Variants in TMEM232 observed in about 807,000 individuals in gnomAD.
TMEM232 encodes transmembrane protein 232.
TMEM232 carries 80 observed loss-of-function variants against 78.8 expected under a neutral mutation model. The ratio of observed to expected loss-of-function variants is 1.01; its 90% CI spans 0.85 to 1.22. The LOEUF is 1.22. Among genes scored for constraint, TMEM232 ranks in the 50% most tolerant of loss-of-function variants. The pLI, the probability that TMEM232 is intolerant of heterozygous loss-of-function variation, is 0.00. For synonymous variants in TMEM232, 297 were observed against 254.3 expected (o/e 1.17, Z -1.60); for missense variants, 881 against 742.2 (o/e 1.19, Z -2.17).
At chr5:110,594,239 G>A (rs1385400825) in intron 10 of TMEM232, among the ~76,000 whole-genome samples, 5 of 151,966 alleles carry the variant, frequency 3.3e-5, no homozygotes, top group African/African-American at 4.8e-5. Flanking sequence ...GAGAAGCCCC[G>A]AGGGACTGTA....
chr5:110,480,515 T>C (rs550441717), intron 12 of TMEM232, among the ~76,000 whole-genome samples: 18 of 152,190 alleles, frequency 1.2e-4, no homozygotes, highest in African/African-American at 3.8e-4. Context: ...GGTTGTTTTT[T>C]AAGAGATTGC....
intron 1 of TMEM232, among the ~76,000 whole-genome samples, chr5:110,677,679 G>T (rs1393825450): frequency 1.3e-5 from 2 of 152,070 alleles, no homozygotes; most frequent in African/African-American, 4.8e-5. Flanking sequence ...ATTTGTTTGG[G>T]TGTAGAGTAA....
Position 110,627,802 on chromosome 5 carries a change from T to A in TMEM232, c.580A>T (p.Arg194Trp). The change falls in exon 6 of 14, where the codon AGG (arginine) becomes TGG (tryptophan). Residue 194 changes from arginine (R) to tryptophan (W), a missense_variant. Coordinates refer to ENST00000455884, the MANE Select transcript of TMEM232 (RefSeq NM_001039763.4). ...HLESFKQHLL[R>W]LQPYLYALSF... is the part of the protein sequence containing the mutation. ...CTACCGTATAAATATGGTTGAAGCC[T>A]AAGTAAATGTTGTTTAAAACTTTCT... 5.2e-6 allele frequency: 8 copies of A among 1,526,880 alleles called. No individual in the cohort carries two copies. Among genetic ancestry groups the A allele is most frequent in the Non-Finnish European group, 7.0e-6 (8 of 1,137,860 alleles). 94.6% of individuals were successfully genotyped at this position (1,526,880 alleles called of 1,614,324 possible).
At chr5:110,690,908 A>T (rs985771182) in intron 1 of TMEM232, among the ~76,000 whole-genome samples, 4 of 151,886 alleles carry the variant, frequency 2.6e-5, no homozygotes, top group Admixed American at 6.6e-5. Flanking sequence ...CTCACTCATA[A>T]GTGGGAGTTG....
In TMEM232 at chr5:110,611,938, T is replaced by A. The variant is rs117800054; in HGVS notation, c.903-5651A>T. ...CCTGAATTGGATGGAGAAAGTGAGATGGAGAAGATAAGATGTCTGATTTGG... is the reference window on the plus strand; with the variant it reads ...CCTGAATTGGATGGAGAAAGTGAGAAGGAGAAGATAAGATGTCTGATTTGG... On this transcript the variant is annotated intron_variant, in intron 8 of 13. Transcript: ENST00000455884. Among the ~76,000 whole-genome samples, 210 of 152,126 alleles carry A rather than the reference T, an allele frequency of 1.4e-3. 8 individuals are homozygous for A. The East Asian group carries it at 0.039, about 28-fold the overall frequency.
At chr5:110,514,030 T>A (rs1768202225) in intron 12 of TMEM232, 1 of 168,086 alleles carries the variant, frequency 5.9e-6, no homozygotes, top group African/African-American at 2.4e-5. Flanking sequence ...ATCCAACCCA[T>A]TTATTTAAAC....
chr5:110,582,674 T>C (rs548426945), intron 10 of TMEM232, among the ~76,000 whole-genome samples: 4 of 152,022 alleles, frequency 2.6e-5, no homozygotes, highest in African/African-American at 7.2e-5. Flanking sequence ...TTAGGCAAGA[T>C]AAACAAATAA....
rs919541619 is a variant in TMEM232 at position 110,538,712 on chromosome 5, G to A, written c.1456-9877C>T. Among the ~76,000 whole-genome samples the A allele has an allele frequency of 7.2e-5, 11 of 152,236 alleles. No homozygotes were observed. The East Asian group carries it at 7.7e-4, about 11-fold the overall frequency. On this transcript the variant is annotated intron_variant, in intron 11 of 13. Coordinates refer to ENST00000455884, the MANE Select transcript of TMEM232 (RefSeq NM_001039763.4). ...AGGAATTAGATGAAGACTGAAGACC[G>A]AAGGGGCCTGGGGTCTTCCTCACTG...
chr5:110,470,091 G>A (rs1241569814), intron 12 of TMEM232, among the ~76,000 whole-genome samples: 1 of 152,112 alleles, frequency 6.6e-6, no homozygotes, highest in Non-Finnish European at 1.5e-5. Context: ...AGGGTCCAGA[G>A]TCACTGCTAC....
chr5:110,520,216 T>C (rs1029358141), intron 12 of TMEM232, among the ~76,000 whole-genome samples: 9 of 152,038 alleles, frequency 5.9e-5, no homozygotes, highest in African/African-American at 2.2e-4. Context: ...ACAGATACTC[T>C]AATTACTCTG....
intron 12 of TMEM232, among the ~76,000 whole-genome samples, chr5:110,501,622 T>C (rs1766275007): frequency 1.3e-5 from 2 of 152,216 alleles, no homozygotes; most frequent in South Asian, 4.1e-4. Flanking sequence ...GAGAAATAAC[T>C]CGCAGGTCCC....
At chr5:110,690,247 G>A (rs571544736) in intron 1 of TMEM232, among the ~76,000 whole-genome samples, 1 of 152,166 alleles carries the variant, frequency 6.6e-6, no homozygotes, top group South Asian at 2.1e-4. Context: ...TCTGACAAAG[G>A]GCTAATATCC....
chr5:110,412,044 T>A (rs1219238414), intron 2 of TMEM232, among the ~76,000 whole-genome samples: 1 of 152,166 alleles, frequency 6.6e-6, no homozygotes, highest in African/African-American at 2.4e-5. Context: ...ATCTTCTTAG[T>A]GCTTTGATCT....
At chr5:110,424,939 ATCC>A in intron 12 of TMEM232, 23 bp from the exon 13 acceptor site, 1 of 1,502,954 alleles carries the variant, frequency 6.7e-7, no homozygotes, top group Non-Finnish European at 9.0e-7. Context: ...ACAAGAACAA[ATCC>A]AACATTAGGT....
chr5:110,669,934 C>G (rs534655535), intron 1 of TMEM232, among the ~76,000 whole-genome samples: 7 of 152,082 alleles, frequency 4.6e-5, no homozygotes, highest in African/African-American at 1.4e-4. Flanking sequence ...TTCAACAACC[C>G]TTCATGCTAA....
intron 2 of TMEM232, among the ~76,000 whole-genome samples, chr5:110,661,175 T>A (rs146821530): frequency 1.3e-5 from 2 of 152,364 alleles, no homozygotes; most frequent in Admixed American, 1.3e-4. Context: ...TTGATTCTTT[T>A]ATGGTTTAAT....
chr5:110,642,885 C>A (rs1786938769), intron 2 of TMEM232, among the ~76,000 whole-genome samples: 1 of 152,014 alleles, frequency 6.6e-6, no homozygotes, highest in African/African-American at 2.4e-5. Context: ...GAGGCTACTG[C>A]AGGGTTTGAG....
At chr5:110,422,692 C>A (rs1368526038) in intron 13 of TMEM232, among the ~76,000 whole-genome samples, 2 of 152,004 alleles carry the variant, frequency 1.3e-5, no homozygotes, top group African/African-American at 4.8e-5. Flanking sequence ...CAGAAGACAG[C>A]TCTTCCCTCT....
chr5:110,439,750 G>A (rs1415133523), intron 12 of TMEM232, among the ~76,000 whole-genome samples: 2 of 151,800 alleles, frequency 1.3e-5, no homozygotes, highest in African/African-American at 4.8e-5. Context: ...TTCAATTCAC[G>A]GAGTCAAAAT....
Sources: allele counts gnomAD v4.1 joint callset (sites outside exome capture counted in the v4.1 genomes callset), GRCh38; gene constraint gnomAD v4.1.1; transcripts MANE v1.5; gene names NCBI Gene and HGNC (gene_info 2026-07-23, HGNC 2026-07-21).